The following KIF13B variants were observed in gnomAD, a reference collection of about 807,000 sequenced individuals.
KIF13B encodes the protein kinesin family member 13B, also known as kinesin-like protein KIF13B.
Under a neutral mutation model 222.0 loss-of-function variants are expected in KIF13B, and 127 were observed. The observed-to-expected ratio is 0.57, with a 90% CI of 0.50 to 0.66. KIF13B has a LOEUF of 0.66. KIF13B is among the 30% of genes least tolerant of loss of function. The pLI is 0.00. For synonymous variants in KIF13B, 976 were observed against 919.0 expected (o/e 1.06, Z -1.12); for missense variants, 2,173 against 2,379.0 (o/e 0.91, Z 1.80).
intron 13 of KIF13B, among the ~76,000 whole-genome samples, chr8:29,157,725 TA>T (rs917167602): frequency 2.8e-5 from 4 of 141,764 alleles, no homozygotes; most frequent in African/African-American, 1.1e-4. Flanking sequence ...TAAATAAATA[TA>T]AAAATGAGGC....
chr8:29,115,889 C>A (rs74884001), intron 31 of KIF13B, among the ~76,000 whole-genome samples: 3 of 152,160 alleles, frequency 2.0e-5, no homozygotes, highest in African/African-American at 4.8e-5. Flanking sequence ...CCAGTTCAAA[C>A]GCTGCCCTCC....
chr8:29,110,162 C>A (rs3736225), intron 32 of KIF13B, 92 bp from the exon 33 acceptor site: 1 of 1,090,098 alleles, frequency 9.2e-7, no homozygotes, highest in East Asian at 2.6e-5. Flanking sequence ...GAACGTATTC[C>A]AAAATTCCAT....
At position 29,073,026 on chromosome 8, in the gene KIF13B, C is replaced by T. The variant is rs535539856; in HGVS notation, c.4522-710G>A. Among the ~76,000 whole-genome samples, 10 of 151,150 alleles carry T rather than the reference C, an allele frequency of 6.6e-5. No individual in the cohort carries two copies. The East Asian group carries it at 2.0e-3, about 30-fold the overall frequency. ...TCAGGCACCAACAAGGAGCCACGGG[C>T]CTGCAGCCTGGCTGGGCATCCCGAG... On this transcript the variant is annotated intron_variant, in intron 38 of 39. Coordinates refer to ENST00000524189, the MANE Select transcript of KIF13B (RefSeq NM_015254.4).
At chr8:29,171,105 G>A (rs1488471668) in intron 10 of KIF13B, among the ~76,000 whole-genome samples, 19 of 152,144 alleles carry the variant, frequency 1.2e-4, no homozygotes. Flanking sequence ...CATTAGGGAG[G>A]TGGCAGTAGG....
At chr8:29,233,566 A>C (rs1207463049) in intron 2 of KIF13B, among the ~76,000 whole-genome samples, 2 of 152,264 alleles carry the variant, frequency 1.3e-5, no homozygotes, top group Non-Finnish European at 2.9e-5. Flanking sequence ...TATCTAGATC[A>C]GAGATTCTCA....
At chr8:29,209,799 C>T (rs902253188) in intron 2 of KIF13B, among the ~76,000 whole-genome samples, 3 of 151,658 alleles carry the variant, frequency 2.0e-5, no homozygotes, top group African/African-American at 7.3e-5. Flanking sequence ...TGTCTGTAAT[C>T]CCAACACTAT....
At chr8:29,083,979 A>G (rs558127910) in intron 37 of KIF13B, among the ~76,000 whole-genome samples, 2 of 152,224 alleles carry the variant, frequency 1.3e-5, no homozygotes, top group East Asian at 1.9e-4. Flanking sequence ...TGGTGGTTCA[A>G]TCTCGGCTCA....
Position 29,247,364 on chromosome 8 carries a change from G to A in KIF13B, c.56-1925C>T, listed in dbSNP as rs140747828. Among the ~76,000 whole-genome samples, 896 of 152,176 alleles carry A rather than the reference G, an allele frequency of 5.9e-3. 4 individuals are homozygous for A. Among genetic ancestry groups the A allele is most frequent in the Admixed American group, 9.3e-3 (142 of 15,290 alleles). On this transcript the variant is annotated intron_variant, in intron 1 of 39. Coordinates refer to ENST00000524189, the MANE Select transcript of KIF13B (RefSeq NM_015254.4). ...GAGTGTGCCACTGCACTACAGCCTG[G>A]GCAAAAGAGATCTGTCTCTAAAAAC...
intron 37 of KIF13B, among the ~76,000 whole-genome samples, chr8:29,081,538 T>A (rs1008212824): frequency 6.6e-6 from 1 of 152,222 alleles, no homozygotes; most frequent in East Asian, 1.9e-4. Flanking sequence ...TGAATTGCAA[T>A]GTGCTAGAAA....
At chr8:29,247,127 G>A (rs576805100) in intron 1 of KIF13B, among the ~76,000 whole-genome samples, 48 of 152,262 alleles carry the variant, frequency 3.2e-4, no homozygotes, top group African/African-American at 9.9e-4. Context: ...GCTCATGCCC[G>A]TAATCCCAGA....
At chr8:29,117,718 A>AT (rs2129683304) in intron 30 of KIF13B, among the ~76,000 whole-genome samples, 1 of 152,292 alleles carries the variant, frequency 6.6e-6, no homozygotes, top group East Asian at 1.9e-4. Context: ...CAAATATCAC[A>AT]TATCAGCTTT....
In KIF13B at chr8:29,084,656, C is replaced by T. The variant is rs192556517; in HGVS notation, c.4458+8089G>A. ...TTTAATTCTCCAGATTCATCAAAGA[C>T]GCCATTTACAGTTCCTAACTTTGAA... On this transcript the variant is annotated intron_variant, in intron 37 of 39. Transcript: ENST00000524189. Among the ~76,000 whole-genome samples, 20 of 152,288 alleles carry T rather than the reference C, an allele frequency of 1.3e-4. 1 individual carries two copies. The highest frequency in any genetic ancestry group is 2.6e-4 in the Admixed American group (4 of 15,294).
chr8:29,247,712 T>C (rs1816090791), intron 1 of KIF13B, among the ~76,000 whole-genome samples: 1 of 151,320 alleles, frequency 6.6e-6, no homozygotes, highest in African/African-American at 2.4e-5. Context: ...TGGGAGCCTA[T>C]GGTCCCAGCT....
chr8:29,259,756 G>C (rs1030370989), intron 1 of KIF13B, among the ~76,000 whole-genome samples: 2 of 152,202 alleles, frequency 1.3e-5, no homozygotes, highest in Non-Finnish European at 2.9e-5. Context: ...GCACATGGAA[G>C]CACACAAGAA....
intron 2 of KIF13B, among the ~76,000 whole-genome samples, chr8:29,196,624 C>A (rs949313392): frequency 3.9e-5 from 6 of 152,146 alleles, no homozygotes; most frequent in Non-Finnish European, 5.9e-5. Context: ...TGTACAGGCT[C>A]CTCTACAAAA....
At chr8:29,095,770 AAAAAC>A (rs552018354) in intron 36 of KIF13B, among the ~76,000 whole-genome samples, 37 of 152,212 alleles carry the variant, frequency 2.4e-4, no homozygotes, top group Non-Finnish European at 4.8e-4. Flanking sequence ...TTCATCTCAA[AAAAAC>A]AAAACAAAAC....
At position 29,069,976 on chromosome 8, in the gene KIF13B, G is replaced by GGA. The variant is rs1807177655; in HGVS notation, c.*526_*527dup. 6.4e-6 allele frequency: 1 copy of GGA among 155,052 alleles called. No individual in the cohort carries two copies. Among genetic ancestry groups the GGA allele is most frequent in the Admixed American group, 6.4e-5 (1 of 15,696 alleles). The allele number at this position is 155,052 out of a possible 1,614,324, so 9.6% of individuals were successfully genotyped here. ...ACTTGTGGAACCTGGGACCAGGGTG[G>GGA]GAGGCTGGGGGGTCCCCCAGAGGCA... On this transcript the variant is annotated 3_prime_UTR_variant, in exon 40 of 40. Coordinates refer to ENST00000524189, the MANE Select transcript of KIF13B (RefSeq NM_015254.4).
intron 36 of KIF13B, among the ~76,000 whole-genome samples, chr8:29,096,765 G>A (rs1023193717): frequency 3.3e-5 from 5 of 151,970 alleles, no homozygotes; most frequent in South Asian, 2.1e-4. Context: ...AACTCTAAGC[G>A]ATTTGATAAG....
chr8:29,143,550 T>C (rs1018688942), intron 18 of KIF13B, among the ~76,000 whole-genome samples: 5 of 152,200 alleles, frequency 3.3e-5, no homozygotes, highest in Non-Finnish European at 7.3e-5. Context: ...TTATTCACTT[T>C]AAAATAGTAA....
Sources: gnomAD v4.1 joint callset for allele counts (sites outside exome capture counted in the v4.1 genomes callset) on GRCh38, gnomAD v4.1.1 for gene constraint, MANE v1.5 for transcripts, NCBI Gene and HGNC (gene_info 2026-07-23, HGNC 2026-07-21) for gene names.